Variants in GARNL3 observed in about 807,000 individuals in gnomAD.
GARNL3 encodes GTPase activating Rap/RanGAP domain like 3.
Under a neutral mutation model 125.0 loss-of-function variants are expected in GARNL3, and 63 were observed. The observed-to-expected ratio is 0.50, with a 90% CI of 0.41 to 0.62. GARNL3 has a LOEUF of 0.62. Among genes scored for constraint, GARNL3 ranks in the 20% least tolerant of loss-of-function variants. The probability of loss-of-function intolerance (pLI) is 0.00; values close to 1 mark genes in which losing one functional copy is unlikely to be tolerated. For synonymous variants in GARNL3, 439 were observed against 457.5 expected (o/e 0.96, Z 0.52); for missense variants, 994 against 1,244.0 (o/e 0.80, Z 3.02).
At chr9:127,324,244 C>T (rs906330191) in intron 6 of GARNL3, among the ~76,000 whole-genome samples, 4 of 152,156 alleles carry the variant, frequency 2.6e-5, no homozygotes, top group Non-Finnish European at 4.4e-5. Flanking sequence ...GAGCCAGACC[C>T]TGTCTCTTTA....
At chr9:127,239,091 C>G (rs2063160433) in intron 1 of GARNL3, among the ~76,000 whole-genome samples, 1 of 152,220 alleles carries the variant, frequency 6.6e-6, no homozygotes, top group East Asian at 1.9e-4. Context: ...TCTGACCCCC[C>G]TGGCAGGGCT....
At chr9:127,260,390 G>T (rs912052964), upstream of GARNL3, among the ~76,000 whole-genome samples, 2 of 152,166 alleles carry the variant, frequency 1.3e-5, no homozygotes, top group African/African-American at 4.8e-5. Flanking sequence ...CTCGGAATAG[G>T]GCCAGGGAAT....
In GARNL3 at chr9:127,384,980, G is replaced by A. The variant is rs768799615; in HGVS notation, c.2270-47G>A. 34 of 1,190,354 alleles carry A rather than the reference G, an allele frequency of 2.9e-5. No individual in the cohort carries two copies. In the Admixed American group the frequency reaches 3.7e-4, roughly 13 times the overall value. The allele number at this position is 1,190,354 out of a possible 1,614,324, so 73.7% of individuals were successfully genotyped here. ...TATGACACAGTCACAGCCCCTTCGC[G>A]GCCACCAAGCCAGCAGCTGGGAGGT... On this transcript the variant is annotated intron_variant, in intron 23 of 27. Transcript: ENST00000373387. The surrounding 1 kb of genome is among the most constrained non-coding windows in gnomAD (Gnocchi z 4.0).
At chr9:127,369,188 A>C (rs10760485) in intron 22 of GARNL3, 1 of 150,900 alleles carries the variant, frequency 6.6e-6, no homozygotes, top group Non-Finnish European at 1.5e-5. Context: ...GAGGAAGAAG[A>C]AAAAAAAAGG....
chr9:127,371,874 A>G (rs1831627634), intron 22 of GARNL3, among the ~76,000 whole-genome samples: 1 of 152,272 alleles, frequency 6.6e-6, no homozygotes, highest in African/African-American at 2.4e-5. Context: ...AAGGCAGTTC[A>G]ATAGCAAAAT....
chr9:127,339,296 C>CAA lies in GARNL3; in HGVS notation c.1029-335_1029-334dup, dbSNP rs58392654. Reference sequence around the variant, plus strand: ...CGGGTGACAGAGCGAGACTCCGTCTCAAAAAAAAAAAAAAAGAGGTTTAAT... The same window carrying CAA: ...CGGGTGACAGAGCGAGACTCCGTCTCAAAAAAAAAAAAAAAAAGAGGTTTAAT... On this transcript the variant is annotated intron_variant, in intron 12 of 27. Transcript: ENST00000373387. Among the ~76,000 whole-genome samples, 542 of 120,848 alleles carry CAA rather than the reference C, an allele frequency of 4.5e-3. 11 individuals carry two copies. The highest frequency in any genetic ancestry group is 0.025 in the East Asian group (101 of 4,070). 79.3% of individuals were successfully genotyped at this position (120,848 alleles called of 152,430 possible).
At chr9:127,234,990 T>G (rs59428970) in intron 1 of GARNL3, among the ~76,000 whole-genome samples, 25,111 of 152,118 alleles carry the variant, frequency 0.17, 6,374 homozygotes, top group African/African-American at 0.55. Context: ...TAAAAGTTTT[T>G]TTTTTAAGTC....
chr9:127,367,935 A>G (rs1831373227), intron 22 of GARNL3, among the ~76,000 whole-genome samples: 1 of 144,520 alleles, frequency 6.9e-6, no homozygotes, highest in African/African-American at 2.6e-5. Context: ...ACAGGATTTT[A>G]TTTTCCCACT....
chr9:127,241,177 T>C (rs2063197041), intron 1 of GARNL3, among the ~76,000 whole-genome samples: 1 of 152,188 alleles, frequency 6.6e-6, no homozygotes, highest in Non-Finnish European at 1.5e-5. Flanking sequence ...TCTCACTGGG[T>C]TTCTTCTCGT....
chr9:127,354,760 A>G (rs896688386), intron 19 of GARNL3, among the ~76,000 whole-genome samples: 3 of 152,224 alleles, frequency 2.0e-5, no homozygotes, highest in African/African-American at 7.2e-5. Context: ...TCTAGAATAT[A>G]GGAAGTAGGA....
intron 21 of GARNL3, among the ~76,000 whole-genome samples, chr9:127,358,529 A>G (rs1406766166): frequency 1.3e-5 from 2 of 152,390 alleles, no homozygotes; most frequent in South Asian, 2.1e-4. Flanking sequence ...TATGCTCTGT[A>G]TAAATATTAA....
At position 127,381,757 on chromosome 9, in the gene GARNL3, C is replaced by T. The variant is rs1417079800; in HGVS notation, c.2162-1681C>T. On this transcript the variant is annotated intron_variant, in intron 22 of 27. Transcript: ENST00000373387. The stretch of plus-strand genomic sequence containing the variant: ...GACTACAGGCGCCCGCCACCACGCC[C>T]GGCTAATTTTTTTTTTTTTTTGTAT... Among the ~76,000 whole-genome samples, 16 of 127,430 alleles carry T rather than the reference C, an allele frequency of 1.3e-4. No homozygotes were observed. The South Asian group carries it at 3.0e-3, about 24-fold the overall frequency. 83.6% of individuals were successfully genotyped at this position (127,430 alleles called of 152,430 possible). A position where few individuals can be genotyped will look rare whatever the true frequency, so the allele number is the denominator to read the frequency against.
chr9:127,357,131 T>C (rs1830729885), intron 20 of GARNL3, 88 bp from the exon 21 acceptor site: 8 of 1,364,200 alleles, frequency 5.9e-6, no homozygotes, highest in South Asian at 1.3e-5. Flanking sequence ...GTGCCTTCTC[T>C]GTAAGGAGGG....
chr9:127,299,580 G>A (rs1321577456), intron 2 of GARNL3, among the ~76,000 whole-genome samples: 2 of 151,108 alleles, frequency 1.3e-5, no homozygotes, highest in Non-Finnish European at 3.0e-5. Context: ...TTTTGTTTTT[G>A]TTTTTTTTGA....
chr9:127,302,216 A>T (rs1467198522), intron 2 of GARNL3, among the ~76,000 whole-genome samples: 2 of 152,066 alleles, frequency 1.3e-5, no homozygotes, highest in Non-Finnish European at 2.9e-5. Flanking sequence ...TGCTTGGATT[A>T]CAGGCTTGAG....
intron 12 of GARNL3, among the ~76,000 whole-genome samples, chr9:127,338,852 G>A (rs1033591077): frequency 2.0e-5 from 3 of 152,152 alleles, no homozygotes; most frequent in African/African-American, 4.8e-5. Context: ...TAGTGGCCTC[G>A]GCCCTGGCAG....
intron 12 of GARNL3, 109 bp downstream of exon 12, chr9:127,338,270 G>T (rs1355831103): frequency 1.8e-5 from 16 of 889,848 alleles, no homozygotes; most frequent in Non-Finnish European, 3.0e-5. Flanking sequence ...GATTTAATAT[G>T]AGTGCCTGCA....
intron 24 of GARNL3, 38 bp from the exon 25 acceptor site, chr9:127,387,155 C>T: frequency 3.8e-6 from 6 of 1,593,648 alleles, no homozygotes; most frequent in Non-Finnish European, 5.1e-6. Context: ...AGGCCTAGAA[C>T]ACCAGGCAGC....
chr9:127,260,563 A>T (rs1481279167), upstream of GARNL3, among the ~76,000 whole-genome samples: 2 of 152,206 alleles, frequency 1.3e-5, no homozygotes, highest in Non-Finnish European at 2.9e-5. Context: ...CTTTTTCTTT[A>T]AAGGGTCAGT....
Sources: allele counts gnomAD v4.1 joint callset (sites outside exome capture counted in the v4.1 genomes callset), GRCh38; gene constraint gnomAD v4.1.1; non-coding constraint Gnocchi (gnomAD v3.1); transcripts MANE v1.5; gene names NCBI Gene and HGNC (gene_info 2026-07-23, HGNC 2026-07-21).